ZNF678: variants seen among roughly 807,000 people sequenced by gnomAD.
ZNF678 encodes the protein zinc finger protein 678, also known as hypothetical protein MGC42493.
ZNF678 carries 5 observed loss-of-function variants against 3.0 expected under a neutral mutation model. The ratio of observed to expected loss-of-function variants is 1.69; its 90% CI spans 0.88 to 3.56. ZNF678 has a LOEUF of 3.56. ZNF678 is among the 30% of genes most tolerant of loss of function. The pLI is 0.00. For synonymous variants in ZNF678, 218 were observed against 199.6 expected, an observed-to-expected ratio of 1.09 and a Z score of -0.78; for missense variants, 593 against 605.0, an observed-to-expected ratio of 0.98 and a Z score of 0.21.
chr1:227,665,152 G>A (rs368555216), downstream of ZNF678, among the ~76,000 whole-genome samples: 8 of 152,302 alleles, frequency 5.3e-5, no homozygotes, highest in African/African-American at 1.9e-4. Flanking sequence ...ATTTAGAGAT[G>A]AAAGAATTAC....
At chr1:227,618,644 G>A (rs1033760614) in intron 1 of ZNF678, among the ~76,000 whole-genome samples, 1 of 152,188 alleles carries the variant, frequency 6.6e-6, no homozygotes, top group African/African-American at 2.4e-5. Flanking sequence ...AAAATGGAGA[G>A]TATGTGTCTG....
At chr1:227,572,981 G>A (rs1656893280) in intron 1 of ZNF678, among the ~76,000 whole-genome samples, 2 of 152,258 alleles carry the variant, frequency 1.3e-5, no homozygotes, top group Non-Finnish European at 2.9e-5. Flanking sequence ...CTAGCATTCT[G>A]GACTGCGAGA....
chr1:227,654,794 A>G lies in ZNF678; in HGVS notation c.544A>G (p.Lys182Glu). The change falls in exon 4 of 4, where the codon AAA becomes GAA. Residue 182 changes from lysine to glutamate, a missense_variant. Lys to Glu is a moderately conservative substitution (Grantham distance 56, BLOSUM62 1). Transcript: ENST00000343776. ...AATTCATACTGGAGAGAAACCCTACAAATGTGATGAATGTGACAAAGTTTT... is the reference window on the plus strand; with the variant it reads ...AATTCATACTGGAGAGAAACCCTACGAATGTGATGAATGTGACAAAGTTTT... ...KKIHTGEKPY[K>E]CDECDKVFNW... 1 of 1,613,240 alleles carries G rather than the reference A, an allele frequency of 6.2e-7. No individual in the cohort carries two copies. Among genetic ancestry groups the G allele is most frequent in the South Asian group, 1.1e-5 (1 of 91,030 alleles).
At chr1:227,603,552 T>C (rs980322891) in intron 1 of ZNF678, among the ~76,000 whole-genome samples, 2 of 152,172 alleles carry the variant, frequency 1.3e-5, no homozygotes, top group Non-Finnish European at 1.5e-5. Context: ...CCAGGTGCTG[T>C]AGTCCTGCTA....
intron 1 of ZNF678, among the ~76,000 whole-genome samples, chr1:227,642,888 T>C (rs1326448333): frequency 6.6e-6 from 1 of 152,170 alleles, no homozygotes; most frequent in Non-Finnish European, 1.5e-5. Flanking sequence ...CAAGAGGAGA[T>C]CTGGAGATGC....
At chr1:227,583,393 C>A (rs1392722337) in intron 1 of ZNF678, among the ~76,000 whole-genome samples, 1 of 146,166 alleles carries the variant, frequency 6.8e-6, no homozygotes, top group Admixed American at 6.8e-5. Flanking sequence ...GCCTTGTCGC[C>A]CAGGCTGGAG....
At chr1:227,615,460 T>C (rs3010191) in intron 1 of ZNF678, among the ~76,000 whole-genome samples, 71,977 of 151,960 alleles carry the variant, frequency 0.47, 18,326 homozygotes, top group African/African-American at 0.67. Flanking sequence ...TTTGTACCTA[T>C]GATATCACCT....
At chr1:227,616,005 C>G (rs1050168647) in intron 1 of ZNF678, among the ~76,000 whole-genome samples, 10 of 152,160 alleles carry the variant, frequency 6.6e-5, no homozygotes, top group East Asian at 1.9e-4. Flanking sequence ...CCAGACTGTT[C>G]TGAGGATGCC....
At chr1:227,588,223 AG>A in intron 1 of ZNF678, among the ~76,000 whole-genome samples, 2 of 152,098 alleles carry the variant, frequency 1.3e-5, no homozygotes, top group African/African-American at 4.8e-5. Flanking sequence ...TTCTTTATCC[AG>A]TCTATCATTG....
chr1:227,627,230 A>G (rs1658441528), intron 1 of ZNF678, among the ~76,000 whole-genome samples: 1 of 151,836 alleles, frequency 6.6e-6, no homozygotes, highest in Non-Finnish European at 1.5e-5. Flanking sequence ...GGTTTGGTGA[A>G]GGGTTTTAAG....
chr1:227,644,157 G>A (rs1658898336), intron 1 of ZNF678, among the ~76,000 whole-genome samples: 1 of 152,028 alleles, frequency 6.6e-6, no homozygotes, highest in Non-Finnish European at 1.5e-5. Flanking sequence ...GAGCCACCAC[G>A]CCTGGCCTAT....
rs1273788639 is a variant in ZNF678 at position 227,659,784 on chromosome 1, C to T, written c.*3956C>T. On this transcript the variant is annotated 3_prime_UTR_variant, in exon 4 of 4. Coordinates refer to ENST00000343776, the MANE Select transcript of ZNF678 (RefSeq NM_001367909.1). Reference sequence around the variant, plus strand: ...ATCTACATATATATATATCTTGTAACACATGATGTTTGAAATGCTTAATTC... The same window carrying T: ...ATCTACATATATATATATCTTGTAATACATGATGTTTGAAATGCTTAATTC... The T allele has an allele frequency of 6.6e-6, 1 of 151,550 alleles. No homozygotes were observed. Among genetic ancestry groups the T allele is most frequent in the African/African-American group, 2.4e-5 (1 of 41,200 alleles). 9.4% of individuals were successfully genotyped at this position (151,550 alleles called of 1,614,324 possible). A position where few individuals can be genotyped will look rare whatever the true frequency, so the allele number is the denominator to read the frequency against.
At chr1:227,674,542 T>C (rs904843393) in intron 5 of ZNF678, among the ~76,000 whole-genome samples, 4 of 144,746 alleles carry the variant, frequency 2.8e-5, no homozygotes, top group Admixed American at 2.1e-4. Context: ...TTTATGTAAA[T>C]TATTTAAGTT....
intron 1 of ZNF678, among the ~76,000 whole-genome samples, chr1:227,596,831 A>G (rs1189434556): frequency 2.0e-5 from 3 of 152,252 alleles, no homozygotes; most frequent in Non-Finnish European, 2.9e-5. Context: ...CACAGAACAT[A>G]TTGGCATGAC....
At chr1:227,678,959 T>G (rs1296912678), downstream of ZNF678, among the ~76,000 whole-genome samples, 2 of 152,214 alleles carry the variant, frequency 1.3e-5, no homozygotes, top group African/African-American at 4.8e-5. Context: ...AGCAGTGGGA[T>G]GTTGTATTAC....
chr1:227,577,445 A>G (rs77362148), intron 1 of ZNF678, among the ~76,000 whole-genome samples: 29,696 of 152,128 alleles, frequency 0.2, 3,068 homozygotes, highest in East Asian at 0.25. Context: ...TGTATTTAGG[A>G]TAGTTAGATA....
chr1:227,565,360 G>T (rs1216369798), intron 1 of ZNF678, among the ~76,000 whole-genome samples: 1 of 152,116 alleles, frequency 6.6e-6, no homozygotes, highest in Non-Finnish European at 1.5e-5. Flanking sequence ...CACCACGCCT[G>T]ACTTGTTGTT....
At chr1:227,621,200 C>T (rs569578292) in intron 1 of ZNF678, among the ~76,000 whole-genome samples, 14 of 152,270 alleles carry the variant, frequency 9.2e-5, no homozygotes, top group South Asian at 6.2e-4. Context: ...CAGCTGTGAT[C>T]GCACCACTGC....
chr1:227,619,964 G>T (rs1296913726), intron 1 of ZNF678, among the ~76,000 whole-genome samples: 1 of 152,124 alleles, frequency 6.6e-6, no homozygotes, highest in African/African-American at 2.4e-5. Flanking sequence ...CACATTTGAT[G>T]CCCGAGGTGT....
Sources: gnomAD v4.1 joint callset for allele counts (sites outside exome capture counted in the v4.1 genomes callset) on GRCh38, gnomAD v4.1.1 for gene constraint, MANE v1.5 for transcripts, NCBI Gene and HGNC (gene_info 2026-07-23, HGNC 2026-07-21) for gene names.